Variants in WTAP observed in about 807,000 individuals in gnomAD.
WTAP encodes the protein pre-mRNA-splicing regulator WTAP.
Under a neutral mutation model 50.0 loss-of-function variants are expected in WTAP, and 8 were observed. That is an observed-to-expected ratio of 0.16 (90% confidence interval 0.09 to 0.29). The LOEUF is 0.29. Among genes scored for constraint, WTAP ranks in the 10% least tolerant of loss-of-function variants. The pLI is 1.00. For synonymous variants in WTAP, 194 were observed against 169.0 expected (o/e 1.15, Z -1.15); for missense variants, 295 against 470.7 (o/e 0.63, Z 3.45).
intron 3 of WTAP, chr6:159,741,705 A>C (rs973641780): frequency 5.8e-6 from 1 of 172,430 alleles, no homozygotes; most frequent in Non-Finnish European, 1.2e-5. Flanking sequence ...AACTAGATTT[A>C]GGCTGGGTGT....
upstream of WTAP, chr6:159,727,309 G>C: frequency 1.6e-6 from 2 of 1,280,716 alleles, no homozygotes; most frequent in Non-Finnish European, 2.0e-6. Flanking sequence ...AGTGACTGCG[G>C]CCACGCCTGA....
chr6:159,743,554 T>C lies in WTAP; in HGVS notation c.146-111T>C. The C allele has an allele frequency of 2.8e-6, 3 of 1,053,644 alleles. No homozygotes were observed. The East Asian group carries it at 8.1e-5, about 28-fold the overall frequency. The allele number at this position is 1,053,644 out of a possible 1,614,324, so 65.3% of individuals were successfully genotyped here. A position where few individuals can be genotyped will look rare whatever the true frequency, so the allele number is the denominator to read the frequency against. On this transcript the variant is annotated intron_variant, in intron 4 of 7. Transcript: ENST00000621533. ...TCGCCTGTTATAAAAGTAGTTAGGA[T>C]GGAAACTAAAGACTTGATTAATTTT... is the stretch of plus-strand genomic sequence containing the variant.
At chr6:159,753,416 G>C in intron 6 of WTAP, 44 bp from the exon 7 acceptor site, 1 of 1,613,370 alleles carries the variant, frequency 6.2e-7, no homozygotes, top group Non-Finnish European at 8.5e-7. Flanking sequence ...CAAAGACAGA[G>C]AGTTTTGTCT....
At chr6:159,750,709 C>G (rs1221206367) in intron 6 of WTAP, among the ~76,000 whole-genome samples, 1 of 152,022 alleles carries the variant, frequency 6.6e-6, no homozygotes, top group East Asian at 1.9e-4. Context: ...TAGTATATTT[C>G]CGTTATATTA....
intron 1 of WTAP, among the ~76,000 whole-genome samples, chr6:159,729,844 G>T (rs1269111378): frequency 6.6e-6 from 1 of 152,158 alleles, no homozygotes; most frequent in Non-Finnish European, 1.5e-5. Context: ...GTTTTGGCTG[G>T]CGCTTGCCTC....
At chr6:159,734,667 A>C (rs879341729) in intron 1 of WTAP, among the ~76,000 whole-genome samples, 5 of 152,140 alleles carry the variant, frequency 3.3e-5, no homozygotes, top group Non-Finnish European at 7.4e-5. Flanking sequence ...GAATAGGAAA[A>C]ACTAAATTAG....
intron 3 of WTAP, 27 bp downstream of exon 3, chr6:159,739,072 A>T: frequency 6.4e-7 from 1 of 1,574,106 alleles, no homozygotes; most frequent in South Asian, 1.1e-5. Flanking sequence ...TCAAAAACAA[A>T]GTCTTTCTAT....
chr6:159,728,149 C>T (rs932154275), intron 1 of WTAP, among the ~76,000 whole-genome samples: 2 of 152,234 alleles, frequency 1.3e-5, no homozygotes, highest in East Asian at 1.9e-4. Flanking sequence ...GATGTTACTA[C>T]GTTCTCTTGT....
Position 159,750,647 on chromosome 6 carries a change from GCATTTTTC to G in WTAP, c.452+2286_452+2293del, listed in dbSNP as rs536740670. Among the ~76,000 whole-genome samples the G allele has an allele frequency of 6.3e-3, 955 of 151,972 alleles. 10 individuals are homozygous for G. The highest frequency in any genetic ancestry group is 0.022 in the African/African-American group (921 of 41,444). ...TGTTTTTTTTTACTTGGTCTCTTTG[GCATTTTTC>G]CATTTTTTAATGTATCTAGACAACT... On this transcript the variant is annotated intron_variant, in intron 6 of 7. Coordinates refer to ENST00000621533, the MANE Select transcript of WTAP (RefSeq NM_001270531.2).
chr6:159,726,738 A>T (rs1340012448), upstream of WTAP: 2 of 1,279,552 alleles, frequency 1.6e-6, no homozygotes, highest in Non-Finnish European at 2.0e-6. Flanking sequence ...AGAGAACAAT[A>T]GCTCCTCGAT....
At chr6:159,727,373 C>CGGGCGGG (rs766462112), upstream of WTAP, 4 of 623,034 alleles carry the variant, frequency 6.4e-6, no homozygotes, top group South Asian at 6.6e-5. Flanking sequence ...AGCGGGGAGG[C>CGGGCGGG]TGGCGGGAGG....
At chr6:159,738,887 G>T in intron 2 of WTAP, 103 bp from the exon 3 acceptor site, 1 of 818,574 alleles carries the variant, frequency 1.2e-6, no homozygotes, top group Non-Finnish European at 1.9e-6. Context: ...AATATGTACT[G>T]AGCCGTTTAA....
chr6:159,731,570 A>G (rs903685977), intron 1 of WTAP, among the ~76,000 whole-genome samples: 2 of 152,238 alleles, frequency 1.3e-5, no homozygotes, highest in African/African-American at 4.8e-5. Flanking sequence ...AACAGTCGGG[A>G]GGACAGTATG....
chr6:159,754,819 T>C (rs1231563581), intron 7 of WTAP, among the ~76,000 whole-genome samples: 2 of 152,196 alleles, frequency 1.3e-5, no homozygotes, highest in African/African-American at 4.8e-5. Context: ...GAGGGCCAAC[T>C]GTATATTATT....
chr6:159,752,367 T>A (rs183098147), intron 6 of WTAP, among the ~76,000 whole-genome samples: 29 of 152,342 alleles, frequency 1.9e-4, no homozygotes, highest in African/African-American at 6.5e-4. Flanking sequence ...TTTTCTTTTT[T>A]CATAAATAAT....
In WTAP at chr6:159,734,661, A is replaced by G. The variant is rs573553889; in HGVS notation, c.-8-1597A>G. Among the ~76,000 whole-genome samples the G allele has an allele frequency of 3.9e-5, 6 of 152,320 alleles. No homozygotes were observed. The South Asian group carries it at 1.2e-3, about 32-fold the overall frequency. On this transcript the variant is annotated intron_variant, in intron 1 of 7. Coordinates refer to ENST00000621533, the MANE Select transcript of WTAP (RefSeq NM_001270531.2). ...CCCCATCTCTTAAGAAAGAAAGAAT[A>G]GGAAAAACTAAATTAGTATAAGAAC...
At chr6:159,726,818 G>A (rs1778190326), upstream of WTAP, 5 of 1,289,042 alleles carry the variant, frequency 3.9e-6, no homozygotes, top group African/African-American at 4.6e-5. Context: ...CTGATGAGAG[G>A]GAAGGCATCG....
intron 7 of WTAP, among the ~76,000 whole-genome samples, chr6:159,753,838 T>TA (rs1779908889): frequency 6.6e-6 from 1 of 152,234 alleles, no homozygotes; most frequent in African/African-American, 2.4e-5. Context: ...CAAAATTTCT[T>TA]ACATTTTTGT....
In WTAP at chr6:159,748,365, G is replaced by T; in HGVS notation, c.448G>T (p.Asp150Tyr). Reference sequence around the variant, plus strand: ...ACTGAGTGCCTGGAAGTTTACGCCTGATAGGTAAACAAATCATACTCCCCA... The same window carrying T: ...ACTGAGTGCCTGGAAGTTTACGCCTTATAGGTAAACAAATCATACTCCCCA... ...NELSAWKFTP[D>Y]SQTGKKLMAK... The change falls in exon 6 of 8, where the codon GAT (aspartate) becomes TAT (tyrosine). Residue 150 changes from aspartate (D) to tyrosine (Y), a missense_variant. By Grantham distance (160) the Asp-to-Tyr change is radical. Coordinates refer to ENST00000621533, the MANE Select transcript of WTAP (RefSeq NM_001270531.2). The surrounding 1 kb of genome is among the most constrained non-coding windows in gnomAD (Gnocchi z 5.6). The T allele has an allele frequency of 6.2e-7, 1 of 1,613,500 alleles. No individual in the cohort carries two copies. The highest frequency in any genetic ancestry group is 8.5e-7 in the Non-Finnish European group (1 of 1,179,496).
Sources: allele counts gnomAD v4.1 joint callset (sites outside exome capture counted in the v4.1 genomes callset), GRCh38; gene constraint gnomAD v4.1.1; non-coding constraint Gnocchi (gnomAD v3.1); transcripts MANE v1.5; gene names NCBI Gene and HGNC (gene_info 2026-07-23, HGNC 2026-07-21).